KIAA0319: variants seen among roughly 807,000 people sequenced by gnomAD.
KIAA0319 encodes the protein dyslexia-associated protein KIAA0319.
A neutral mutation model predicts 108.4 loss-of-function variants in KIAA0319; 83 were observed. The ratio of observed to expected loss-of-function variants is 0.77; its 90% CI spans 0.64 to 0.92. KIAA0319 has a LOEUF of 0.92. Ranked by LOEUF, KIAA0319 falls within the 40% of genes least tolerant of loss-of-function variation. The probability of loss-of-function intolerance (pLI) is 0.00; values close to 1 mark genes in which losing one functional copy is unlikely to be tolerated. For synonymous variants in KIAA0319, 484 were observed against 510.4 expected, an observed-to-expected ratio of 0.95 and a Z score of 0.70; for missense variants, 1,195 against 1,322.4, an observed-to-expected ratio of 0.90 and a Z score of 1.49.
intron 4 of KIAA0319, among the ~76,000 whole-genome samples, chr6:24,585,818 G>T (rs956656403): frequency 1.3e-5 from 2 of 152,194 alleles, no homozygotes; most frequent in Non-Finnish European, 2.9e-5. Context: ...GCCAGGCACA[G>T]TGGCTCACAC....
At chr6:24,606,767 G>A (rs1237073110) in intron 1 of KIAA0319, among the ~76,000 whole-genome samples, 1 of 152,216 alleles carries the variant, frequency 6.6e-6, no homozygotes, top group Non-Finnish European at 1.5e-5. Flanking sequence ...TTATACACTG[G>A]TCAAAGAGAC....
chr6:24,544,172 T>A lies in KIAA0319; in HGVS notation c.*2993A>T, dbSNP rs1193930250. On this transcript the variant is annotated 3_prime_UTR_variant, in exon 21 of 21. Transcript: ENST00000378214. ...TGTCATATAGTTCACATGTTTCAAA[T>A]TTTTTTATTTATTTTTAACCATTTG... The A allele has an allele frequency of 6.6e-6, 1 of 152,234 alleles. No homozygotes were observed. Among genetic ancestry groups the A allele is most frequent in the African/African-American group, 2.4e-5 (1 of 41,464 alleles). The allele number at this position is 152,234 out of a possible 1,614,324, so 9.4% of individuals were successfully genotyped here. A position where few individuals can be genotyped will look rare whatever the true frequency, so the allele number is the denominator to read the frequency against.
rs1333750968 is a variant in KIAA0319, at chr6:24,546,415, A to G, written c.*750T>C. On this transcript the variant is annotated 3_prime_UTR_variant, in exon 21 of 21. Coordinates refer to ENST00000378214, the MANE Select transcript of KIAA0319 (RefSeq NM_014809.4). Reference sequence around the variant, plus strand: ...AACTATACTGCTAAACAACACCGAGAGGAGTCAGTGTAGTTTTTCTTAGAG... The same window carrying G: ...AACTATACTGCTAAACAACACCGAGGGGAGTCAGTGTAGTTTTTCTTAGAG... The G allele has an allele frequency of 6.6e-6, 1 of 151,924 alleles. No homozygotes were observed. The highest frequency in any genetic ancestry group is 1.5e-5 in the Non-Finnish European group (1 of 68,002). The allele number at this position is 151,924 out of a possible 1,614,324, so 9.4% of individuals were successfully genotyped here.
At chr6:24,543,798 C>G (rs1760306709), downstream of KIAA0319, among the ~76,000 whole-genome samples, 1 of 152,224 alleles carries the variant, frequency 6.6e-6, no homozygotes, top group African/African-American at 2.4e-5. Context: ...AGTATACTCT[C>G]TCCAGAATCT....
intron 10 of KIAA0319, among the ~76,000 whole-genome samples, chr6:24,574,565 T>C (rs1465424220): frequency 6.6e-6 from 1 of 152,228 alleles, no homozygotes; most frequent in Non-Finnish European, 1.5e-5. Context: ...TTTTTTGTCG[T>C]TGGTAATAAT....
At chr6:24,622,608 A>C (rs1274249120) in intron 1 of KIAA0319, among the ~76,000 whole-genome samples, 1 of 152,186 alleles carries the variant, frequency 6.6e-6, no homozygotes, top group African/African-American at 2.4e-5. Context: ...GCTAGCAGCT[A>C]ATATATATTA....
Position 24,596,285 on chromosome 6 carries a change from C to A in KIAA0319, c.389G>T (p.Trp130Leu), listed in dbSNP as rs1328857456. The change falls in exon 3 of 21, where the codon TGG becomes TTG. Residue 130 changes from tryptophan (W) to leucine (L), a missense_variant. Trp to Leu is a moderately conservative substitution (Grantham distance 61). Coordinates refer to ENST00000378214, the MANE Select transcript of KIAA0319 (RefSeq NM_014809.4). Reference sequence around the variant, plus strand: ...TCTGATATCCTCAGGTGAGTCCCCCCAGATCCCCGAGGGGGAGCCCCTGTT... The same window carrying A: ...TCTGATATCCTCAGGTGAGTCCCCCAAGATCCCCGAGGGGGAGCCCCTGTT... Reference protein sequence around the residue: ...MLNRGSPSGIWGDSPEDIRKD... With the variant: ...MLNRGSPSGILGDSPEDIRKD... 3 of 1,614,038 alleles carry A rather than the reference C, an allele frequency of 1.9e-6. No homozygotes were observed. Among genetic ancestry groups the A allele is most frequent in the South Asian group, 1.1e-5 (1 of 91,088 alleles).
chr6:24,618,039 G>A (rs111242014), intron 1 of KIAA0319, among the ~76,000 whole-genome samples: 2 of 151,898 alleles, frequency 1.3e-5, no homozygotes, highest in African/African-American at 4.8e-5. Flanking sequence ...ATAGAACCTC[G>A]TTCATGAAGG....
intron 2 of KIAA0319, chr6:24,598,889 A>G (rs1164983470): frequency 2.9e-6 from 1 of 345,010 alleles, no homozygotes; most frequent in East Asian, 5.8e-5. Flanking sequence ...AAAAAAAAAT[A>G]AAAAGTAAAA....
At chr6:24,614,609 C>G (rs528944151) in intron 1 of KIAA0319, among the ~76,000 whole-genome samples, 2 of 152,196 alleles carry the variant, frequency 1.3e-5, no homozygotes, top group South Asian at 4.2e-4. Flanking sequence ...GAAACTGAAG[C>G]TCAGAAAGGC....
At chr6:24,632,119 G>A (rs1775656848) in intron 1 of KIAA0319, among the ~76,000 whole-genome samples, 1 of 152,136 alleles carries the variant, frequency 6.6e-6, no homozygotes, top group Admixed American at 6.5e-5. Context: ...TCCCTATGAA[G>A]GAAGAGGAGC....
intron 8 of KIAA0319, 122 bp downstream of exon 8, chr6:24,579,736 G>A (rs1766178128): frequency 2.9e-6 from 2 of 681,180 alleles, no homozygotes; most frequent in Admixed American, 3.1e-5. Flanking sequence ...AACTAAAGAA[G>A]GAGGTGATCG....
chr6:24,590,558 A>G (rs1261041859), intron 3 of KIAA0319, among the ~76,000 whole-genome samples: 3 of 152,296 alleles, frequency 2.0e-5, no homozygotes, highest in South Asian at 2.1e-4. Flanking sequence ...TGTCCATAAC[A>G]TTTTATACTG....
chr6:24,629,175 A>G (rs1389247178), intron 1 of KIAA0319, among the ~76,000 whole-genome samples: 1 of 152,080 alleles, frequency 6.6e-6, no homozygotes, highest in East Asian at 1.9e-4. Context: ...GCCTTTACAC[A>G]CTAGGGGTTT....
chr6:24,571,778 G>A (rs1015094742), intron 11 of KIAA0319, among the ~76,000 whole-genome samples: 14 of 152,058 alleles, frequency 9.2e-5, no homozygotes, highest in Admixed American at 2.6e-4. Flanking sequence ...ATTCTTCACC[G>A]ACTAACTGTG....
chr6:24,564,247 G>A lies in KIAA0319; in HGVS notation c.2386C>T (p.Gln796Ter), dbSNP rs1453709982. The A allele has an allele frequency of 6.2e-7, 1 of 1,614,122 alleles. No individual in the cohort carries two copies. The highest frequency in any genetic ancestry group is 1.1e-5 in the South Asian group (1 of 91,076). The change falls in exon 15 of 21, where the codon CAG becomes TAG. Residue 796 changes from glutamine to a stop codon, truncating the protein, a stop_gained. Transcript: ENST00000378214. LOFTEE classifies it high-confidence loss of function. Reference sequence around the variant, plus strand: ...GCAGTGTCTGTGTCCGAGGCCCCCTGACTGTCGGTGACTCGCAAGTGGAAA... The same window carrying A: ...GCAGTGTCTGTGTCCGAGGCCCCCTAACTGTCGGTGACTCGCAAGTGGAAA... Reference protein sequence around the residue: ...YTFHLRVTDSQGASDTDTATV... With the variant: ...YTFHLRVTDS
downstream of KIAA0319, among the ~76,000 whole-genome samples, chr6:24,541,742 G>A (rs936478650): frequency 6.6e-6 from 1 of 152,204 alleles, no homozygotes. Context: ...AGGTTGCAGT[G>A]AGCCAAGATC....
chr6:24,543,842 G>C (rs79426779), downstream of KIAA0319, among the ~76,000 whole-genome samples: 1,608 of 152,278 alleles, frequency 0.011, 37 homozygotes, highest in African/African-American at 0.036. Context: ...CTTCTGGCAC[G>C]AGGGACAGAC....
At chr6:24,574,546 T>C (rs1765195231) in intron 10 of KIAA0319, among the ~76,000 whole-genome samples, 1 of 152,226 alleles carries the variant, frequency 6.6e-6, no homozygotes, top group South Asian at 2.1e-4. Flanking sequence ...CTCAGGTTAA[T>C]ACCCTTTCTT....
Sources: allele counts gnomAD v4.1 joint callset (sites outside exome capture counted in the v4.1 genomes callset), GRCh38; gene constraint gnomAD v4.1.1; transcripts MANE v1.5; gene names NCBI Gene and HGNC (gene_info 2026-07-23, HGNC 2026-07-21).